Variants in OASL observed in about 807,000 individuals in gnomAD.
OASL encodes the protein 2'-5'-oligoadenylate synthase-like protein.
OASL carries 28 observed loss-of-function variants against 35.3 expected under a neutral mutation model. That is an observed-to-expected ratio of 0.79 (90% CI 0.59 to 1.09). The LOEUF is 1.09. OASL is among the 50% of genes least tolerant of loss of function. The pLI, the probability that OASL is intolerant of heterozygous loss-of-function variation, is 0.00. For synonymous variants in OASL, 252 were observed against 254.6 expected, an observed-to-expected ratio of 0.99 and a Z score of 0.10; for missense variants, 620 against 635.2, an observed-to-expected ratio of 0.98 and a Z score of 0.26.
intron 4 of OASL, among the ~76,000 whole-genome samples, chr12:121,025,284 C>A (rs1460212414): frequency 6.6e-6 from 1 of 151,990 alleles, no homozygotes; most frequent in Non-Finnish European, 1.5e-5. Context: ...GCCTAGATTG[C>A]CCTAAGTTCT....
intron 3 of OASL, among the ~76,000 whole-genome samples, chr12:121,030,456 G>C (rs1055452668): frequency 2.0e-5 from 3 of 151,880 alleles, no homozygotes; most frequent in African/African-American, 7.3e-5. Context: ...TGCCCACCTC[G>C]GCCTCCCAAA....
exon 6 of OASL, chr12:121,020,752 G>T: frequency 3.7e-6 from 6 of 1,614,110 alleles, no homozygotes; most frequent in Non-Finnish European, 4.2e-6. Context: ...AAGCTGTTGG[G>T]GTTGATGGCA....
At chr12:121,023,723 ATGATCAGGAACACAGAAC>A in intron 5 of OASL, 1 of 359,800 alleles carries the variant, frequency 2.8e-6, no homozygotes, top group South Asian at 3.8e-5. Flanking sequence ...CACGCAAAGA[ATGATCAGGAACACAGAAC>A]TGATTCTCCA....
At chr12:121,019,316 T>C (rs1869144351) in exon 6 of OASL, 1 of 152,158 alleles carries the variant, frequency 6.6e-6, no homozygotes, top group African/African-American at 2.4e-5. Context: ...CAGAGGCTGT[T>C]GATAACCAAT....
At chr12:121,034,962 A>G (rs1240302317) in intron 1 of OASL, among the ~76,000 whole-genome samples, 6 of 152,092 alleles carry the variant, frequency 3.9e-5, no homozygotes, top group Non-Finnish European at 8.8e-5. Context: ...TGAGCTCTCC[A>G]GGCCCTGGTG....
intron 1 of OASL, among the ~76,000 whole-genome samples, chr12:121,034,014 C>G (rs921959144): frequency 2.0e-5 from 3 of 152,152 alleles, no homozygotes; most frequent in Non-Finnish European, 4.4e-5. Flanking sequence ...AGACCTTCAT[C>G]TCTAAAATGA....
intron 5 of OASL, among the ~76,000 whole-genome samples, chr12:121,021,890 A>C (rs562512902): frequency 5.9e-5 from 9 of 152,246 alleles, no homozygotes; most frequent in African/African-American, 2.2e-4. Context: ...AAGATAAAAA[A>C]TATTTGCACA....
At chr12:121,018,321 C>A (rs1869102873), downstream of OASL, among the ~76,000 whole-genome samples, 1 of 152,048 alleles carries the variant, frequency 6.6e-6, no homozygotes, top group East Asian at 1.9e-4. Context: ...TCTGTTGTAA[C>A]CGCTACATTG....
Position 121,027,455 on chromosome 12 carries a change from C to T in OASL, c.899+121G>A, listed in dbSNP as rs561904832. On this transcript the variant is annotated intron_variant, in intron 4 of 5. Coordinates refer to ENST00000257570, the Ensembl canonical transcript of OASL. The stretch of plus-strand genomic sequence containing the variant: ...GCTGTGTTGGTGTGGGAGGTCGATG[C>T]TCAACTATGGTGGCAGCCTTACTGC... 104 of 1,449,078 alleles carry T rather than the reference C, an allele frequency of 7.2e-5. No individual in the cohort carries two copies. In the African/African-American group the frequency reaches 9.8e-4, roughly 14 times the overall value. The allele number at this position is 1,449,078 out of a possible 1,614,324, so 89.8% of individuals were successfully genotyped here. A position where few individuals can be genotyped will look rare whatever the true frequency, so the allele number is the denominator to read the frequency against.
chr12:121,037,307 C>T (rs377209121), intron 1 of OASL, among the ~76,000 whole-genome samples: 3 of 151,948 alleles, frequency 2.0e-5, no homozygotes, highest in African/African-American at 4.8e-5. Context: ...TTTCTAGCTC[C>T]GACCCTCTTG....
rs1423552849 is a variant in OASL at position 121,031,493 on chromosome 12, C to A, written c.606G>T (p.Arg202=). 1 of 1,613,962 alleles carries A rather than the reference C, an allele frequency of 6.2e-7. No homozygotes were observed. Among genetic ancestry groups the A allele is most frequent in the Non-Finnish European group, 8.5e-7 (1 of 1,180,000 alleles). Reference sequence around the variant, plus strand: ...GCAGGAGGCTCTTCAGCTTAGTTGGCCGATGTTTCACGAAATTTCTCTGCA... The same window carrying A: ...GCAGGAGGCTCTTCAGCTTAGTTGGACGATGTTTCACGAAATTTCTCTGCA... The change falls in exon 3 of 6, where the codon CGG becomes CGT. Residue 202 remains arginine, a synonymous_variant. Coordinates refer to ENST00000257570, the Ensembl canonical transcript of OASL.
At chr12:121,027,908 T>C in intron 3 of OASL, 91 bp from the exon 4 acceptor site, 1 of 1,101,600 alleles carries the variant, frequency 9.1e-7, no homozygotes, top group Non-Finnish European at 1.3e-6. Flanking sequence ...ATCCAAGTTC[T>C]AGTCCTGGCT....
chr12:121,034,802 G>A (rs1869884896), intron 1 of OASL, among the ~76,000 whole-genome samples: 1 of 152,166 alleles, frequency 6.6e-6, no homozygotes, highest in South Asian at 2.1e-4. Flanking sequence ...TTGGTGGGGT[G>A]CCTGGCACAC....
intron 3 of OASL, among the ~76,000 whole-genome samples, chr12:121,029,514 C>A (rs1222232374): frequency 6.6e-6 from 1 of 152,126 alleles, no homozygotes; most frequent in African/African-American, 2.4e-5. Flanking sequence ...CGGTGAAACC[C>A]CGTCTCTACT....
chr12:121,030,007 C>T (rs977688269), intron 3 of OASL, among the ~76,000 whole-genome samples: 1 of 152,086 alleles, frequency 6.6e-6, no homozygotes, highest in Non-Finnish European at 1.5e-5. Flanking sequence ...GCTGAGACTA[C>T]AGGAACCCAT....
chr12:121,037,308 G>A (rs77391054), intron 1 of OASL, among the ~76,000 whole-genome samples: 1,728 of 152,088 alleles, frequency 0.011, 45 homozygotes, highest in African/African-American at 0.039. Flanking sequence ...TTCTAGCTCC[G>A]ACCCTCTTGA....
rs1362165843 is a variant in OASL, at chr12:121,038,016, G to A, written c.198+758C>T. Among the ~76,000 whole-genome samples the A allele has an allele frequency of 2.0e-5, 3 of 151,470 alleles. No individual in the cohort carries two copies. The East Asian group carries it at 5.8e-4, about 29-fold the overall frequency. On this transcript the variant is annotated intron_variant, in intron 1 of 5. Coordinates refer to ENST00000257570, the Ensembl canonical transcript of OASL. Reference sequence around the variant, plus strand: ...GCTGAGGATCACCTGAGCTCAGGGAGATTGAGGCTACAGTGAGTGGTGATT... The same window carrying A: ...GCTGAGGATCACCTGAGCTCAGGGAAATTGAGGCTACAGTGAGTGGTGATT...
chr12:121,037,845 ACT>A, intron 1 of OASL, among the ~76,000 whole-genome samples: 1 of 151,922 alleles, frequency 6.6e-6, no homozygotes, highest in African/African-American at 2.4e-5. Flanking sequence ...TAATCCCAGC[ACT>A]TTGGGAGGCC....
intron 3 of OASL, 114 bp from the exon 4 acceptor site, chr12:121,027,931 G>A (rs190819605): frequency 1.2e-6 from 1 of 851,392 alleles, no homozygotes; most frequent in East Asian, 2.6e-5. Flanking sequence ...GCTGCCTACT[G>A]GCTGTGTGAC....
Sources: allele counts gnomAD v4.1 joint callset (sites outside exome capture counted in the v4.1 genomes callset), GRCh38; gene constraint gnomAD v4.1.1; transcripts MANE v1.5; gene names NCBI Gene and HGNC (gene_info 2026-07-23, HGNC 2026-07-21).